Variants in PCSK6 observed in about 807,000 individuals in gnomAD.
PCSK6 encodes the protein paired basic amino acid cleaving enzyme 4.
PCSK6 carries 85 observed loss-of-function variants against 123.3 expected under a neutral mutation model. The ratio of observed to expected loss-of-function variants is 0.69; its 90% confidence interval spans 0.58 to 0.83. PCSK6 has a LOEUF of 0.83. Among genes scored for constraint, PCSK6 ranks in the 40% least tolerant of loss-of-function variants. The probability of loss-of-function intolerance (pLI) is 0.00; values close to 1 mark genes in which losing one functional copy is unlikely to be tolerated. For missense variants in PCSK6, 1,191 were observed against 1,282.3 expected (o/e 0.93, Z 1.09); for synonymous variants, 508 against 516.0 (o/e 0.98, Z 0.21).
intron 13 of PCSK6, among the ~76,000 whole-genome samples, chr15:101,365,397 C>T (rs2041358055): frequency 6.6e-6 from 1 of 152,102 alleles, no homozygotes; most frequent in Admixed American, 6.6e-5. Context: ...TTTTAAAAAG[C>T]AGAGAATATT....
chr15:101,488,586 G>T (rs540952019), intron 1 of PCSK6, among the ~76,000 whole-genome samples: 27 of 152,254 alleles, frequency 1.8e-4, no homozygotes, highest in Non-Finnish European at 3.5e-4. Flanking sequence ...CGACAACCCA[G>T]CGGTGTAGAC....
chr15:101,446,243 T>A (rs1384269374), intron 1 of PCSK6, among the ~76,000 whole-genome samples: 1 of 152,272 alleles, frequency 6.6e-6, no homozygotes, highest in Non-Finnish European at 1.5e-5. Flanking sequence ...GAAGCTGGAA[T>A]CACACATTCG....
intron 1 of PCSK6, among the ~76,000 whole-genome samples, chr15:101,464,288 T>C (rs2057405329): frequency 6.6e-6 from 1 of 152,056 alleles, no homozygotes. Flanking sequence ...GTCCACTGTG[T>C]GGGGGCAGGA....
intron 5 of PCSK6, among the ~76,000 whole-genome samples, chr15:101,428,283 T>C (rs1248395734): frequency 6.6e-6 from 1 of 152,232 alleles, no homozygotes; most frequent in East Asian, 1.9e-4. Flanking sequence ...CCCGTGGTCC[T>C]ATACCTTCCT....
At chr15:101,383,614 C>T (rs528314590) in intron 10 of PCSK6, among the ~76,000 whole-genome samples, 1 of 152,006 alleles carries the variant, frequency 6.6e-6, no homozygotes, top group Non-Finnish European at 1.5e-5. Context: ...CAGGGACTGG[C>T]CAAAAGAAGT....
intron 13 of PCSK6, among the ~76,000 whole-genome samples, chr15:101,333,526 A>G (rs2040412703): frequency 6.6e-6 from 1 of 152,144 alleles, no homozygotes; most frequent in Admixed American, 6.5e-5. Flanking sequence ...GAGGAAGAAT[A>G]CTGCTCTGAT....
At chr15:101,386,650 T>G (rs2042072415) in intron 9 of PCSK6, among the ~76,000 whole-genome samples, 1 of 152,222 alleles carries the variant, frequency 6.6e-6, no homozygotes, top group African/African-American at 2.4e-5. Flanking sequence ...TTGAGGGACC[T>G]CATCATAATC....
chr15:101,378,940 C>T (rs1345571844), intron 11 of PCSK6, among the ~76,000 whole-genome samples: 1 of 152,270 alleles, frequency 6.6e-6, no homozygotes, highest in African/African-American at 2.4e-5. Flanking sequence ...CCTTCCTCTG[C>T]AGCCCGCATT....
At chr15:101,452,941 T>A (rs7162938) in intron 1 of PCSK6, among the ~76,000 whole-genome samples, 2,681 of 152,332 alleles carry the variant, frequency 0.018, 76 homozygotes, top group African/African-American at 0.059. Flanking sequence ...GCTGGGTCAG[T>A]TGAGCTTTGC....
intron 19 of PCSK6, among the ~76,000 whole-genome samples, chr15:101,316,795 C>T (rs2039998271): frequency 6.6e-6 from 1 of 152,072 alleles, no homozygotes. Flanking sequence ...GGACATACGG[C>T]AGGGAGCTGC....
chr15:101,341,512 T>C (rs1474926355), intron 13 of PCSK6, among the ~76,000 whole-genome samples: 1 of 152,146 alleles, frequency 6.6e-6, no homozygotes, highest in Non-Finnish European at 1.5e-5. Flanking sequence ...TCTGGCCACC[T>C]TGGCCTCCCA....
chr15:101,345,689 A>T (rs2040713683), intron 13 of PCSK6, among the ~76,000 whole-genome samples: 1 of 152,182 alleles, frequency 6.6e-6, no homozygotes, highest in Non-Finnish European at 1.5e-5. Context: ...TTTTTTTGAG[A>T]CGGAGTCTCG....
chr15:101,456,231 C>T (rs1301931922), intron 1 of PCSK6, among the ~76,000 whole-genome samples: 2 of 110,902 alleles, frequency 1.8e-5, no homozygotes, highest in Non-Finnish European at 4.8e-5. Flanking sequence ...ACGGATGGTC[C>T]CCTCCACGTG....
At chr15:101,324,733 C>T in intron 17 of PCSK6, 117 bp downstream of exon 17, 1 of 873,294 alleles carries the variant, frequency 1.1e-6, no homozygotes, top group Non-Finnish European at 1.8e-6. Context: ...AGTCCTTACT[C>T]AGAACAACAA....
chr15:101,370,645 G>C, intron 11 of PCSK6, 122 bp from the exon 12 acceptor site: 2 of 872,946 alleles, frequency 2.3e-6, no homozygotes, highest in South Asian at 3.2e-5. Context: ...TGCGGGCCCC[G>C]GGGAGCCGCA....
rs1388908504 is a variant in PCSK6 at position 101,304,987 on chromosome 15, G to A, written c.*271C>T. The A allele has an allele frequency of 8.8e-6, 4 of 452,956 alleles. No homozygotes were observed. The highest frequency in any genetic ancestry group is 7.9e-5 in the African/African-American group (4 of 50,862). 28.1% of individuals were successfully genotyped at this position (452,956 alleles called of 1,614,324 possible). A position where few individuals can be genotyped will look rare whatever the true frequency, so the allele number is the denominator to read the frequency against. On this transcript the variant is annotated 3_prime_UTR_variant, in exon 22 of 22. Coordinates refer to ENST00000611716, the MANE Select transcript of PCSK6 (RefSeq NM_002570.5). ...TCCCAGAAGCTGCTCCAAAGCCAGA[G>A]CTGTGGATTCCCAGAATTCATTTTG...
At chr15:101,396,610 G>C (rs2042419993) in intron 7 of PCSK6, among the ~76,000 whole-genome samples, 1 of 152,034 alleles carries the variant, frequency 6.6e-6, no homozygotes, top group Admixed American at 6.5e-5. Context: ...TGGGAGCTAA[G>C]TAATGGAAGG....
At chr15:101,476,000 A>G (rs2141249189) in intron 1 of PCSK6, among the ~76,000 whole-genome samples, 1 of 152,302 alleles carries the variant, frequency 6.6e-6, no homozygotes, top group Middle Eastern at 3.4e-3. Flanking sequence ...TGTAACTTGC[A>G]CACATACATT....
At chr15:101,424,226 C>T (rs7402545) in intron 6 of PCSK6, among the ~76,000 whole-genome samples, 64,279 of 149,910 alleles carry the variant, frequency 0.43, 13,982 homozygotes, top group East Asian at 0.56. Flanking sequence ...CAGAGCAAGA[C>T]CCCATCTCTT....
Sources: allele counts gnomAD v4.1 joint callset (sites outside exome capture counted in the v4.1 genomes callset), GRCh38; gene constraint gnomAD v4.1.1; transcripts MANE v1.5; gene names NCBI Gene and HGNC (gene_info 2026-07-23, HGNC 2026-07-21).